PDGFA: variants seen among roughly 807,000 people sequenced by gnomAD.
PDGFA encodes the protein platelet derived growth factor subunit A, also known as platelet-derived growth factor subunit A.
In PDGFA, 9 loss-of-function variants were observed where a neutral mutation model predicts 25.6. That is an observed-to-expected ratio of 0.35 (90% CI 0.21 to 0.61). The LOEUF (loss-of-function observed/expected upper bound fraction) is 0.61, where lower values mean the gene tolerates loss of function less well. Ranked by LOEUF, PDGFA falls within the 20% of genes least tolerant of loss-of-function variation. The probability of loss-of-function intolerance (pLI) is 0.75; values close to 1 mark genes in which losing one functional copy is unlikely to be tolerated. For missense variants in PDGFA, 242 were observed against 272.8 expected (o/e 0.89, Z 0.79); for synonymous variants, 133 against 111.8 (o/e 1.19, Z -1.20).
At position 510,175 on chromosome 7, in the gene PDGFA, T is replaced by A. The variant is rs753086556; in HGVS notation, c.453+634A>T. Among the ~76,000 whole-genome samples the A allele has an allele frequency of 1.3e-3, 205 of 152,238 alleles. 3 individuals are homozygous for A. The highest frequency in any genetic ancestry group is 3.1e-4 in the Non-Finnish European group (21 of 68,006). ...AAGGCCCAAAACGGCCCCCGCACTG[T>A]GGTCTAGGGCGTGGAAAGGAGGCCA... On this transcript the variant is annotated intron_variant, in intron 4 of 5. Coordinates refer to ENST00000402802, the Ensembl canonical transcript of PDGFA.
Position 511,078 on chromosome 7 carries a change from G to C in PDGFA, c.266-82C>G. 3 of 1,107,816 alleles carry C rather than the reference G, an allele frequency of 2.7e-6. No individual in the cohort carries two copies. In the East Asian group the frequency reaches 7.5e-5, roughly 28 times the overall value. The allele number at this position is 1,107,816 out of a possible 1,614,324, so 68.6% of individuals were successfully genotyped here. On this transcript the variant is annotated intron_variant, in intron 3 of 5. Transcript: ENST00000402802. ...CCAGGGCTGAGGCGGCTCCAGCTGG[G>C]CCTGGGGGGCAACCAGGGTAAGCCA...
At chr7:512,329 C>T (rs767947211) in intron 3 of PDGFA, 22 bp downstream of exon 3, 3 of 1,599,030 alleles carry the variant, frequency 1.9e-6, no homozygotes, top group African/African-American at 1.3e-5. Flanking sequence ...CTGCCCTGCC[C>T]ATCGCGGCCT....
Position 510,907 on chromosome 7 carries a change from T to C in PDGFA, c.355A>G (p.Ile119Val), listed in dbSNP as rs200974075. 4 of 1,612,382 alleles carry C rather than the reference T, an allele frequency of 2.5e-6. No homozygotes were observed. In the East Asian group the frequency reaches 8.9e-5, roughly 36 times the overall value. ...TTCACCTCCACGCACGGGGGCCAGA[T>C]CAGGAAGTTGGCGGACGTGGGGTCG... The change falls in exon 4 of 6, where the codon ATC becomes GTC. Residue 119 changes from isoleucine (I) to valine (V), a missense_variant. Around this residue, in one of 5 missense-constraint regions of PDGFA, gnomAD observed 55 missense variants for 88.2 expected, o/e 0.62. Coordinates refer to ENST00000402802, the Ensembl canonical transcript of PDGFA.
rs1481388929 is a variant in PDGFA at position 517,880 on chromosome 7, G to C, written c.64-390C>G. 6.6e-6 allele frequency among the ~76,000 whole-genome samples: 1 copy of C among 152,198 alleles called. No individual in the cohort carries two copies. Among genetic ancestry groups the C allele is most frequent in the Non-Finnish European group, 1.5e-5 (1 of 68,030 alleles). ...ACATCTAGAAAGATCAAGTTAAAAT[G>C]CGTCACGGGTCGGCGAGAGTCACGG... On this transcript the variant is annotated intron_variant, in intron 1 of 5. Transcript: ENST00000402802. The surrounding 1 kb of genome is among the most constrained non-coding windows in gnomAD (Gnocchi z 7.4).
chr7:515,015 C>A (rs1783027302), intron 2 of PDGFA, among the ~76,000 whole-genome samples: 4 of 152,210 alleles, frequency 2.6e-5, no homozygotes, highest in African/African-American at 9.6e-5. Flanking sequence ...TACAGTGGGA[C>A]GCAGCCTGCA....
intron 2 of PDGFA, among the ~76,000 whole-genome samples, chr7:515,832 G>A (rs922595190): frequency 1.3e-5 from 2 of 152,028 alleles, no homozygotes; most frequent in African/African-American, 2.4e-5. Context: ...CATACCCCAC[G>A]AAGCTGCAAT....
At chr7:498,637 C>G (rs759095006) in intron 5 of PDGFA, 63 bp from the exon 6 acceptor site, 196 of 1,506,202 alleles carry the variant, frequency 1.3e-4, no homozygotes, top group Non-Finnish European at 1.7e-4. Context: ...CCAGCACACA[C>G]ATGGCTGCAT....
exon 6 of PDGFA, chr7:498,524 C>T (rs767499648): frequency 6.3e-7 from 1 of 1,595,266 alleles, no homozygotes; most frequent in Non-Finnish European, 8.6e-7. Flanking sequence ...TGTAACACGC[C>T]ATGTACATCC....
intron 4 of PDGFA, among the ~76,000 whole-genome samples, chr7:507,057 C>T (rs1017352625): frequency 1.3e-5 from 2 of 152,332 alleles, no homozygotes; most frequent in South Asian, 4.1e-4. Flanking sequence ...CCCATCTCCT[C>T]GCCAGGTTGA....
upstream of PDGFA, chr7:520,061 G>GC (rs1421890905): frequency 3.0e-5 from 12 of 398,132 alleles, no homozygotes; most frequent in Non-Finnish European, 1.5e-5. Context: ...ATCCATCAAA[G>GC]CCCCGCGCCC....
chr7:518,353 G>A (rs912815943), intron 1 of PDGFA: 1 of 152,704 alleles, frequency 6.5e-6, no homozygotes, highest in Non-Finnish European at 1.5e-5. Flanking sequence ...GGGATGGGGG[G>A]GCGGGGACGC....
chr7:513,640 C>A (rs1356621078), intron 2 of PDGFA, among the ~76,000 whole-genome samples: 2 of 152,184 alleles, frequency 1.3e-5, no homozygotes, highest in Non-Finnish European at 2.9e-5. Context: ...GTCCCGGTCA[C>A]CAATCCAGAC....
chr7:516,249 T>C (rs1783095627), intron 2 of PDGFA, among the ~76,000 whole-genome samples: 1 of 133,196 alleles, frequency 7.5e-6, no homozygotes, highest in Non-Finnish European at 1.6e-5. Flanking sequence ...AGGGATTTCC[T>C]GGGTCAAGAA....
chr7:500,957 G>T lies in PDGFA; in HGVS notation c.580+159C>A. On this transcript the variant is annotated intron_variant, in intron 5 of 5. Coordinates refer to ENST00000402802, the Ensembl canonical transcript of PDGFA. This position sits in a 1 kb window ranked among gnomAD's most constrained non-coding sequence, Gnocchi z 5.0. ...TGCAGGTGTGGGATCCGTCTCCCCCGCAGGCATCTGGCCCGGGAGCAGGGC... is the reference window on the plus strand; with the variant it reads ...TGCAGGTGTGGGATCCGTCTCCCCCTCAGGCATCTGGCCCGGGAGCAGGGC... The T allele has an allele frequency of 6.3e-7, 1 of 1,595,474 alleles. No homozygotes were observed. The highest frequency in any genetic ancestry group is 8.5e-7 in the Non-Finnish European group (1 of 1,177,670).
chr7:512,252 G>A (rs568540825), intron 3 of PDGFA, 99 bp downstream of exon 3: 48 of 1,134,204 alleles, frequency 4.2e-5, no homozygotes, highest in Middle Eastern at 3.0e-4. Context: ...CTGGGAGAGC[G>A]GGCAGCTCCT....
At chr7:505,646 G>A (rs776822601) in intron 4 of PDGFA, among the ~76,000 whole-genome samples, 13 of 152,194 alleles carry the variant, frequency 8.5e-5, no homozygotes, top group Non-Finnish European at 1.2e-4. Flanking sequence ...GCTACCCTGT[G>A]AGGACACCAT....
chr7:507,035 G>C (rs957225315), intron 4 of PDGFA, among the ~76,000 whole-genome samples: 1 of 152,182 alleles, frequency 6.6e-6, no homozygotes, highest in South Asian at 2.1e-4. Context: ...CACAGAGTCT[G>C]AGGCTCTGGG....
At chr7:509,154 C>T (rs1322591504) in intron 4 of PDGFA, among the ~76,000 whole-genome samples, 2 of 152,244 alleles carry the variant, frequency 1.3e-5, no homozygotes, top group Non-Finnish European at 2.9e-5. Context: ...GGTGCTGTTC[C>T]TCCCCCAGCG....
At chr7:512,772 G>A (rs979096718) in intron 2 of PDGFA, 2 of 844,578 alleles carry the variant, frequency 2.4e-6, no homozygotes, top group Middle Eastern at 4.7e-4. Flanking sequence ...CTCCCCTACG[G>A]TGCCTCCTCC....
Sources: gnomAD v4.1 joint callset for allele counts (sites outside exome capture counted in the v4.1 genomes callset) on GRCh38, gnomAD v4.1.1 for gene constraint, gnomAD v4.1.1 regional missense constraint, Gnocchi (gnomAD v3.1) non-coding constraint, MANE v1.5 for transcripts, NCBI Gene and HGNC (gene_info 2026-07-23, HGNC 2026-07-21) for gene names.